Variants in PRPSAP1 observed in about 807,000 individuals in gnomAD.
The protein encoded by PRPSAP1 is phosphoribosyl pyrophosphate synthase-associated protein 1.
PRPSAP1 carries 31 observed loss-of-function variants against 39.4 expected under a neutral mutation model. The observed-to-expected ratio is 0.79, with a 90% CI of 0.59 to 1.06. The LOEUF is 1.06. Among genes scored for constraint, PRPSAP1 ranks in the 50% least tolerant of loss-of-function variants. PRPSAP1 has a pLI of 0.00. For missense variants in PRPSAP1, 430 were observed against 511.6 expected (o/e 0.84, Z 1.54); for synonymous variants, 212 against 192.6 (o/e 1.10, Z -0.83).
At position 76,310,047 on chromosome 17, in the gene PRPSAP1, A is replaced by G. The variant is rs2071053486; in HGVS notation, c.*1495T>C. The G allele has an allele frequency of 6.7e-6, 1 of 150,346 alleles. No individual in the cohort carries two copies. Among genetic ancestry groups the G allele is most frequent in the Non-Finnish European group, 1.5e-5 (1 of 67,934 alleles). 9.3% of individuals were successfully genotyped at this position (150,346 alleles called of 1,614,324 possible). A position where few individuals can be genotyped will look rare whatever the true frequency, so the allele number is the denominator to read the frequency against. On this transcript the variant is annotated 3_prime_UTR_variant, in exon 10 of 10. Coordinates refer to ENST00000446526, the MANE Select transcript of PRPSAP1 (RefSeq NM_002766.3). ...GTCACTTGGGCTGGAGTGCAGTGGC[A>G]CAATCTCAGCTCACTGCAATCTCTG...
At chr17:76,345,963 C>T in intron 2 of PRPSAP1, 1 of 468,612 alleles carries the variant, frequency 2.1e-6, no homozygotes, top group Non-Finnish European at 4.2e-6. Context: ...GAGCCCAGGC[C>T]TAAAAAGGCC....
chr17:76,345,230 G>C (rs1266998299), intron 2 of PRPSAP1, among the ~76,000 whole-genome samples: 2 of 24,956 alleles, frequency 8.0e-5, no homozygotes, highest in African/African-American at 1.1e-4. Flanking sequence ...GCAAGATTCC[G>C]TCTCATTAAA....
intron 3 of PRPSAP1, among the ~76,000 whole-genome samples, chr17:76,341,913 T>A (rs2071443760): frequency 6.6e-6 from 1 of 152,074 alleles, no homozygotes; most frequent in East Asian, 1.9e-4. Context: ...CACCCCAGCC[T>A]GGGCGACAGA....
intron 5 of PRPSAP1, 183 bp downstream of exon 5, chr17:76,330,368 T>G (rs1057180328): frequency 1.6e-6 from 1 of 608,406 alleles, no homozygotes; most frequent in African/African-American, 1.9e-5. Context: ...AAAAAATCTG[T>G]TTTTAGTGTC....
intron 1 of PRPSAP1, among the ~76,000 whole-genome samples, chr17:76,351,344 TC>T (rs1345008921): frequency 6.6e-6 from 1 of 151,938 alleles, no homozygotes; most frequent in Non-Finnish European, 1.5e-5. Flanking sequence ...GTGAAACCCG[TC>T]TCTACTAAAA....
chr17:76,337,027 T>G (rs2071386665), intron 3 of PRPSAP1, among the ~76,000 whole-genome samples: 1 of 152,196 alleles, frequency 6.6e-6, no homozygotes. Context: ...ACACCCTGGC[T>G]AGCTCTTGTA....
chr17:76,319,128 C>CG (rs1206026546), intron 7 of PRPSAP1, among the ~76,000 whole-genome samples: 20 of 151,848 alleles, frequency 1.3e-4, no homozygotes, highest in Non-Finnish European at 2.2e-4. Context: ...TTAGTAGAGA[C>CG]GGGGTTTCAC....
chr17:76,347,937 G>A (rs575241190), intron 2 of PRPSAP1, among the ~76,000 whole-genome samples: 34 of 152,300 alleles, frequency 2.2e-4, no homozygotes, highest in Admixed American at 5.9e-4. Context: ...ATTCCCAAAG[G>A]GCCCCATGTG....
intron 3 of PRPSAP1, among the ~76,000 whole-genome samples, chr17:76,334,340 C>A (rs1314246863): frequency 1.3e-5 from 2 of 152,184 alleles, no homozygotes; most frequent in East Asian, 3.8e-4. Context: ...AAGCAGAAAG[C>A]CTGCCATACA....
chr17:76,333,361 C>T (rs1347570758), intron 3 of PRPSAP1, among the ~76,000 whole-genome samples: 2 of 152,160 alleles, frequency 1.3e-5, no homozygotes, highest in African/African-American at 2.4e-5. Flanking sequence ...CCGCCCACCT[C>T]GGCCTCCCAA....
At chr17:76,341,040 T>C (rs777720003) in intron 3 of PRPSAP1, among the ~76,000 whole-genome samples, 3 of 151,838 alleles carry the variant, frequency 2.0e-5, no homozygotes, top group Admixed American at 6.6e-5. Context: ...TCTTAGCTCC[T>C]CCCCTGACTC....
intron 3 of PRPSAP1, among the ~76,000 whole-genome samples, chr17:76,333,115 T>C (rs766463826): frequency 1.3e-5 from 2 of 151,748 alleles, no homozygotes; most frequent in Non-Finnish European, 2.9e-5. Flanking sequence ...ATGGTCTTCA[T>C]CTCCTGACCT....
chr17:76,332,522 G>A, intron 3 of PRPSAP1, 87 bp from the exon 4 acceptor site: 1 of 1,442,624 alleles, frequency 6.9e-7, no homozygotes, highest in Non-Finnish European at 9.5e-7. Flanking sequence ...AACATGGGCT[G>A]CCCAGATGGG....
chr17:76,322,445 T>C (rs2071207914), intron 7 of PRPSAP1, among the ~76,000 whole-genome samples: 2 of 152,128 alleles, frequency 1.3e-5, no homozygotes, highest in Non-Finnish European at 2.9e-5. Flanking sequence ...CTGATGGAGA[T>C]ACACAAGGAG....
intron 3 of PRPSAP1, among the ~76,000 whole-genome samples, chr17:76,344,033 C>T (rs2071468902): frequency 6.6e-6 from 1 of 152,076 alleles, no homozygotes; most frequent in Non-Finnish European, 1.5e-5. Context: ...TCACCTCTGC[C>T]TCCTGGGTTC....
chr17:76,353,337 G>A, intron 1 of PRPSAP1, 197 bp downstream of exon 1: 2 of 568,124 alleles, frequency 3.5e-6, no homozygotes, highest in Non-Finnish European at 5.8e-6. Flanking sequence ...CCGAGAGTCC[G>A]CCCCAAGCCT....
intron 7 of PRPSAP1, among the ~76,000 whole-genome samples, chr17:76,327,009 T>C (rs2071262203): frequency 6.6e-6 from 1 of 152,146 alleles, no homozygotes; most frequent in Non-Finnish European, 1.5e-5. Context: ...TCTGTACTAT[T>C]CTTTCAACTT....
chr17:76,353,914 G>T lies in PRPSAP1; in HGVS notation c.-211C>A. 1 of 1,327,560 alleles carries T rather than the reference G, an allele frequency of 7.5e-7. No individual in the cohort carries two copies. Among genetic ancestry groups the T allele is most frequent in the Non-Finnish European group, 9.6e-7 (1 of 1,044,480 alleles). 82.2% of individuals were successfully genotyped at this position (1,327,560 alleles called of 1,614,324 possible). A position where few individuals can be genotyped will look rare whatever the true frequency, so the allele number is the denominator to read the frequency against. ...CCGGCGCCGCCGCCTCAGAGCCAGA[G>T]GCAAGGCCACCGCCCCCTCCGGGCA... On this transcript the variant is annotated 5_prime_UTR_variant, in exon 1 of 10. Coordinates refer to ENST00000446526, the MANE Select transcript of PRPSAP1 (RefSeq NM_002766.3).
intron 3 of PRPSAP1, among the ~76,000 whole-genome samples, chr17:76,340,471 T>C (rs1340843759): frequency 2.0e-5 from 3 of 150,774 alleles, no homozygotes; most frequent in Non-Finnish European, 4.4e-5. Flanking sequence ...AGATTGCACG[T>C]GTTAAATACT....
Sources: allele counts gnomAD v4.1 joint callset (sites outside exome capture counted in the v4.1 genomes callset), GRCh38; gene constraint gnomAD v4.1.1; transcripts MANE v1.5; gene names NCBI Gene and HGNC (gene_info 2026-07-23, HGNC 2026-07-21).